The following MPHOSPH9 variants were observed in gnomAD, a reference collection of about 807,000 sequenced individuals.
The protein encoded by MPHOSPH9 is M-phase phosphoprotein 9.
In MPHOSPH9, 88 loss-of-function variants were observed where a neutral mutation model predicts 145.5. That is an observed-to-expected ratio of 0.60 (90% CI 0.51 to 0.72). MPHOSPH9 has a LOEUF of 0.72. Among genes scored for constraint, MPHOSPH9 ranks in the 30% least tolerant of loss-of-function variants. The pLI is 0.00. For synonymous variants in MPHOSPH9, 435 were observed against 486.2 expected, an observed-to-expected ratio of 0.89 and a Z score of 1.39; for missense variants, 1,238 against 1,386.6, an observed-to-expected ratio of 0.89 and a Z score of 1.70.
chr12:123,225,291 A>C (rs2047390329), intron 3 of MPHOSPH9, among the ~76,000 whole-genome samples: 1 of 143,028 alleles, frequency 7.0e-6, no homozygotes, highest in Admixed American at 7.0e-5. Flanking sequence ...AAAAAATGCA[A>C]AAATTAGCTG....
Position 123,218,429 on chromosome 12 carries a change from C to G in MPHOSPH9, c.943G>C (p.Gly315Arg). The G allele has an allele frequency of 6.2e-7, 1 of 1,614,016 alleles. No individual in the cohort carries two copies. The highest frequency in any genetic ancestry group is 1.1e-5 in the South Asian group (1 of 91,082). Reference sequence around the variant, plus strand: ...TCATTTCCTTGTTTAGATCTTGAACCTCCATCTTCTACATGTGCTCTCTTT... The same window carrying G: ...TCATTTCCTTGTTTAGATCTTGAACGTCCATCTTCTACATGTGCTCTCTTT... Reference protein sequence around the residue: ...QPKRAHVEDGGSRSKQGNEQS... With the variant: ...QPKRAHVEDGRSRSKQGNEQS... Residue 315 changes from glycine to arginine, a missense_variant, in exon 6 of 24, where the codon GGT (glycine) becomes CGT (arginine). Gly to Arg is a moderately radical substitution (Grantham distance 125). This residue lies in a region of MPHOSPH9 where 837 missense variants were observed against 897.5 expected (regional missense o/e 0.93). Coordinates refer to ENST00000606320, the MANE Select transcript of MPHOSPH9 (RefSeq NM_022782.4).
intron 6 of MPHOSPH9, 140 bp downstream of exon 6, chr12:123,218,236 A>G (rs951847608): frequency 7.9e-7 from 1 of 1,267,572 alleles, no homozygotes; most frequent in African/African-American, 1.5e-5. Flanking sequence ...CCGTCTCAAA[A>G]AAACAACAAC....
chr12:123,169,909 TTAATTA>T (rs1296228836), intron 16 of MPHOSPH9, among the ~76,000 whole-genome samples: 1 of 152,046 alleles, frequency 6.6e-6, no homozygotes, highest in Admixed American at 6.6e-5. Context: ...AAATTTGTTT[TTAATTA>T]TAAGACCAAT....
chr12:123,201,770 G>GTATGAAGC (rs963313952), intron 11 of MPHOSPH9, among the ~76,000 whole-genome samples: 37 of 152,192 alleles, frequency 2.4e-4, no homozygotes, highest in African/African-American at 8.9e-4. Flanking sequence ...TCTAAAATAG[G>GTATGAAGC]TATGAAGCTA....
intron 2 of MPHOSPH9, among the ~76,000 whole-genome samples, chr12:123,228,737 T>C (rs1412617545): frequency 6.6e-6 from 1 of 152,186 alleles, no homozygotes; most frequent in African/African-American, 2.4e-5. Flanking sequence ...GGATTTTACA[T>C]AGCTGTAATA....
intron 23 of MPHOSPH9, among the ~76,000 whole-genome samples, chr12:123,157,815 T>C (rs1456300914): frequency 6.6e-6 from 1 of 152,116 alleles, no homozygotes; most frequent in African/African-American, 2.4e-5. Flanking sequence ...TCAGTATTAA[T>C]TCCAATGGTG....
At chr12:123,182,293 AC>A (rs1364922660) in intron 13 of MPHOSPH9, among the ~76,000 whole-genome samples, 8 of 135,240 alleles carry the variant, frequency 5.9e-5, no homozygotes, top group Non-Finnish European at 1.2e-4. Flanking sequence ...TTGCTCCATC[AC>A]CTAGGTTGAA....
chr12:123,224,048 C>T (rs956854911), intron 3 of MPHOSPH9, among the ~76,000 whole-genome samples: 1 of 150,852 alleles, frequency 6.6e-6, no homozygotes, highest in East Asian at 2.0e-4. Flanking sequence ...AATTCTCATG[C>T]CTCAGCCTCC....
intron 1 of MPHOSPH9, among the ~76,000 whole-genome samples, chr12:123,243,044 T>C (rs1217214273): frequency 6.6e-6 from 1 of 152,234 alleles, no homozygotes; most frequent in African/African-American, 2.4e-5. Flanking sequence ...GGTAAGGTGA[T>C]TCTTAGAGAG....
chr12:123,195,405 T>TA (rs1224484642), intron 12 of MPHOSPH9, among the ~76,000 whole-genome samples: 2 of 151,306 alleles, frequency 1.3e-5, no homozygotes, highest in Non-Finnish European at 2.9e-5. Flanking sequence ...GCCAACATGG[T>TA]GAAACCCCGT....
intron 16 of MPHOSPH9, among the ~76,000 whole-genome samples, chr12:123,172,596 G>A (rs2044633862): frequency 6.6e-6 from 1 of 152,166 alleles, no homozygotes; most frequent in Admixed American, 6.5e-5. Context: ...GCCTCCCAAA[G>A]TGCTGGGATT....
intron 16 of MPHOSPH9, among the ~76,000 whole-genome samples, chr12:123,175,416 C>G (rs368495345): frequency 4.7e-4 from 72 of 152,122 alleles, no homozygotes; most frequent in African/African-American, 1.7e-3. Context: ...GCCTCCCAAA[C>G]TGCTGGGATT....
intron 16 of MPHOSPH9, among the ~76,000 whole-genome samples, chr12:123,168,486 C>T (rs1002583388): frequency 1.3e-4 from 19 of 151,756 alleles, no homozygotes; most frequent in South Asian, 4.2e-4. Context: ...GGACTACAGG[C>T]GCCTGCCACC....
At chr12:123,214,890 G>T in intron 6 of MPHOSPH9, 56 bp from the exon 7 acceptor site, 1 of 1,417,698 alleles carries the variant, frequency 7.1e-7, no homozygotes, top group Non-Finnish European at 9.9e-7. Flanking sequence ...ACAATCTGCT[G>T]ACCCAAGAAA....
chr12:123,160,497 GA>G, intron 23 of MPHOSPH9: 1 of 345,658 alleles, frequency 2.9e-6, no homozygotes, highest in South Asian at 7.3e-5. Flanking sequence ...AAAATCTGTT[GA>G]AAAGCATATT....
chr12:123,185,010 G>C (rs539458855), intron 13 of MPHOSPH9, among the ~76,000 whole-genome samples: 1 of 152,028 alleles, frequency 6.6e-6, no homozygotes, highest in African/African-American at 2.4e-5. Flanking sequence ...CACCATGTTG[G>C]CCAGGCTGGT....
intron 4 of MPHOSPH9, among the ~76,000 whole-genome samples, chr12:123,222,288 G>A (rs1232034394): frequency 6.7e-6 from 1 of 149,716 alleles, no homozygotes; most frequent in Non-Finnish European, 1.5e-5. Context: ...TCATGTCACT[G>A]CACGCCAGCC....
intron 13 of MPHOSPH9, among the ~76,000 whole-genome samples, chr12:123,185,727 C>CA (rs1257129767): frequency 1.3e-5 from 2 of 151,886 alleles, no homozygotes; most frequent in Non-Finnish European, 1.5e-5. Flanking sequence ...GCCTGGGTGA[C>CA]AGAGTGAGAT....
chr12:123,206,531 T>A (rs7135252), intron 8 of MPHOSPH9, among the ~76,000 whole-genome samples: 4,854 of 150,212 alleles, frequency 0.032, 269 homozygotes, highest in African/African-American at 0.11. Context: ...AGAGAAGAGA[T>A]GAGAAGAGAA....
Sources: gnomAD v4.1 joint callset for allele counts (sites outside exome capture counted in the v4.1 genomes callset) on GRCh38, gnomAD v4.1.1 for gene constraint, gnomAD v4.1.1 regional missense constraint, MANE v1.5 for transcripts, NCBI Gene and HGNC (gene_info 2026-07-23, HGNC 2026-07-21) for gene names.